Variants in DMBT1 observed in about 807,000 individuals in gnomAD.
DMBT1 encodes the protein deleted in malignant brain tumors 1.
Under a neutral mutation model 252.9 loss-of-function variants are expected in DMBT1, and 198 were observed. The observed-to-expected ratio is 0.78, with a 90% CI of 0.70 to 0.88. The LOEUF is 0.88. DMBT1 is among the 40% of genes least tolerant of loss of function. DMBT1 has a pLI of 0.00. For missense variants in DMBT1, 2,432 were observed against 2,404.7 expected (o/e 1.01, Z -0.24); for synonymous variants, 990 against 942.7 (o/e 1.05, Z -0.92).
intron 25 of DMBT1, 116 bp from the exon 26 acceptor site, chr10:122,598,657 AG>A: frequency 3.2e-6 from 5 of 1,562,422 alleles, no homozygotes; most frequent in Non-Finnish European, 3.5e-6. Flanking sequence ...TCATATTCAA[AG>A]GTGACTGCCT....
At chr10:122,597,866 C>A in intron 24 of DMBT1, 108 bp from the exon 25 acceptor site, 1 of 1,543,698 alleles carries the variant, frequency 6.5e-7, no homozygotes, top group Non-Finnish European at 8.9e-7. Context: ...GTGGCAGGAA[C>A]CAGAAGTGGG....
In DMBT1 at chr10:122,589,109, C is replaced by T. The variant is rs2097823248; in HGVS notation, c.1949C>T (p.Ser650Leu). 1.3e-6 allele frequency: 2 copies of T among 1,588,572 alleles called. No individual in the cohort carries two copies. Among genetic ancestry groups the T allele is most frequent in the Non-Finnish European group, 1.7e-6 (2 of 1,165,846 alleles). Reference protein sequence around the residue: ...CRQLGCGWATSAPGNARFGQG... With the variant: ...CRQLGCGWATLAPGNARFGQG... ...CAGCTGGGCTGTGGCTGGGCCACGT[C>T]AGCCCCAGGAAATGCCCGGTTTGGT... The change falls in exon 17 of 56, where the codon TCA (serine) becomes TTA (leucine). Residue 650 changes from serine to leucine, a missense_variant. Ser to Leu is a moderately radical substitution (Grantham distance 145, BLOSUM62 -2). This residue lies in a region of DMBT1 where 1,264 missense variants were observed against 1,082.2 expected (regional missense o/e 1.17). Coordinates refer to ENST00000338354, the MANE Select transcript of DMBT1 (RefSeq NM_001377530.1).
chr10:122,588,911 G>A (rs1295330013), intron 16 of DMBT1, 33 bp from the exon 17 acceptor site: 1 of 1,586,574 alleles, frequency 6.3e-7, no homozygotes, highest in African/African-American at 1.3e-5. Context: ...CTGCTGATAG[G>A]GATTGATGAA....
At position 122,585,416 on chromosome 10, in the gene DMBT1, T is replaced by C. The variant is rs541544423; in HGVS notation, c.1459+107T>C. ...TCAAGGTGGGCCCCTCTGTTTTTCA[T>C]GTCCCTGTGGGTTGCATGGGAGGAA... On this transcript the variant is annotated intron_variant, in intron 15 of 55. Transcript: ENST00000338354. 17 of 1,386,916 alleles carry C rather than the reference T, an allele frequency of 1.2e-5. 4 individuals are homozygous for C. In the South Asian group the frequency reaches 2.1e-4, roughly 17 times the overall value. 85.9% of individuals were successfully genotyped at this position (1,386,916 alleles called of 1,614,324 possible). A position where few individuals can be genotyped will look rare whatever the true frequency, so the allele number is the denominator to read the frequency against.
In DMBT1 at chr10:122,640,794, C is replaced by T. The variant is rs145313802; in HGVS notation, c.7352+345C>T. On this transcript the variant is annotated intron_variant, in intron 55 of 55. Transcript: ENST00000338354. ...GATCAGACTCTAGGTGACTGAACTC[C>T]AGCCATACGGTTAAAAAGACCTGCG... Among the ~76,000 whole-genome samples the T allele has an allele frequency of 4.9e-3, 743 of 152,254 alleles. 7 individuals carry two copies. The highest frequency in any genetic ancestry group is 0.017 in the African/African-American group (711 of 41,526).
At chr10:122,628,219 G>T (rs2098132475) in intron 46 of DMBT1, among the ~76,000 whole-genome samples, 1 of 152,240 alleles carries the variant, frequency 6.6e-6, no homozygotes, top group Non-Finnish European at 1.5e-5. Context: ...ACTTGTATGT[G>T]AATGTTCAGG....
In DMBT1 at chr10:122,592,525, G is replaced by A. The variant is rs1326178496; in HGVS notation, c.2430G>A (p.Trp810Ter). The change falls in exon 20 of 56, where the codon TGG becomes TGA. Residue 810 changes from tryptophan to a stop codon, truncating the protein, a stop_gained. Coordinates refer to ENST00000338354, the MANE Select transcript of DMBT1 (RefSeq NM_001377530.1). LOFTEE classifies it high-confidence loss of function. ...VRCSGHESYL[W>*]SCPHNGWLSH... ...GCTCAGGACACGAGTCCTACCTGTG[G>A]AGCTGCCCCCACAATGGCTGGCTCT... 8 of 1,588,062 alleles carry A rather than the reference G, an allele frequency of 5.0e-6. 1 individual carries two copies. The highest frequency in any genetic ancestry group is 1.7e-5 in the Admixed American group (1 of 59,484).
intron 20 of DMBT1, among the ~76,000 whole-genome samples, chr10:122,593,334 G>C (rs1453901665): frequency 1.3e-5 from 2 of 148,262 alleles, no homozygotes; most frequent in African/African-American, 2.4e-5. Flanking sequence ...GGTCAACCGG[G>C]TTACCCTGGG....
chr10:122,633,314 G>A lies in DMBT1; in HGVS notation c.6521G>A (p.Arg2174His), dbSNP rs144201819. The A allele has an allele frequency of 8.4e-4, 1,349 of 1,613,928 alleles. 1 individual carries two copies. The highest frequency in any genetic ancestry group is 1.1e-3 in the Non-Finnish European group (1,239 of 1,179,884). The change falls in exon 52 of 56, where the codon CGT (arginine) becomes CAT (histidine). Residue 2174 changes from arginine to histidine, a missense_variant. This residue lies in a region of DMBT1 where 1,162 missense variants were observed against 1,169.0 expected (regional missense o/e 0.99). Coordinates refer to ENST00000338354, the MANE Select transcript of DMBT1 (RefSeq NM_001377530.1). ...GACATTGAGGTGCAAAACAACTACC[G>A]TGTGACTGTGATCTTCAGAGATGTC... ...VWDIEVQNNYRVTVIFRDVQL... is the reference protein window; with the variant it reads ...VWDIEVQNNYHVTVIFRDVQL...
Position 122,593,584 on chromosome 10 carries a change from C to T in DMBT1, c.2516C>T (p.Pro839Leu), listed in dbSNP as rs117786926. The part of the protein sequence containing the change: ...GVICSVSQSR[P>L]TPSPDTWPTS... ...TTTCTCACAGTTTCCCAGTCCCGGCCGACACCCAGTCCAGGTAGGTCCCCA... is the reference window on the plus strand; with the variant it reads ...TTTCTCACAGTTTCCCAGTCCCGGCTGACACCCAGTCCAGGTAGGTCCCCA... Residue 839 changes from proline to leucine, a missense_variant, in exon 21 of 56, where the codon CCG becomes CTG. Pro to Leu is a moderately conservative substitution (Grantham distance 98). Around this residue, in one of 3 missense-constraint regions of DMBT1, gnomAD observed 1,264 missense variants for 1,082.2 expected, o/e 1.17. Coordinates refer to ENST00000338354, the MANE Select transcript of DMBT1 (RefSeq NM_001377530.1). 9,072 of 1,587,126 alleles carry T rather than the reference C, an allele frequency of 5.7e-3. 1,740 individuals carry two copies. The East Asian group carries it at 0.14, about 25-fold the overall frequency.
rs531284172 is a variant in DMBT1, at chr10:122,600,224, G to C, written c.3310+131G>C. 2.5e-4 allele frequency: 337 copies of C among 1,338,046 alleles called. 16 individuals carry two copies. The South Asian group carries it at 4.5e-3, about 18-fold the overall frequency. The allele number at this position is 1,338,046 out of a possible 1,614,324, so 82.9% of individuals were successfully genotyped here. A position where few individuals can be genotyped will look rare whatever the true frequency, so the allele number is the denominator to read the frequency against. On this transcript the variant is annotated intron_variant, in intron 27 of 55. Transcript: ENST00000338354. The stretch of plus-strand genomic sequence containing the variant: ...CATATTATTTCTACCCCCAACACCA[G>C]TTGTGTAACTGAGACCCCAGCACAG...
intron 21 of DMBT1, 95 bp downstream of exon 21, chr10:122,593,693 A>T: frequency 7.1e-7 from 1 of 1,400,470 alleles, no homozygotes; most frequent in Admixed American, 2.0e-5. Flanking sequence ...CTCTGTGTGG[A>T]TACTGTGGGG....
At chr10:122,591,207 T>C (rs2097846906) in intron 18 of DMBT1, among the ~76,000 whole-genome samples, 1 of 148,730 alleles carries the variant, frequency 6.7e-6, no homozygotes, top group Non-Finnish European at 1.5e-5. Flanking sequence ...CATCAGTCCA[T>C]GTGTCAGTGG....
rs1306313327 is a variant in DMBT1 at position 122,594,298 on chromosome 10, T to C, written c.2531-198T>C. Among the ~76,000 whole-genome samples the C allele has an allele frequency of 6.8e-5, 9 of 131,670 alleles. 2 individuals are homozygous for C. Among genetic ancestry groups the C allele is most frequent in the Admixed American group, 4.6e-4 (6 of 13,030 alleles). 86.4% of individuals were successfully genotyped at this position (131,670 alleles called of 152,430 possible). ...CCCCAGGATTAGAGAAATGGAGGGCTCAGTCTGGTCTCCAGCAGGACCTTT... is the reference window on the plus strand; with the variant it reads ...CCCCAGGATTAGAGAAATGGAGGGCCCAGTCTGGTCTCCAGCAGGACCTTT... On this transcript the variant is annotated intron_variant, in intron 21 of 55. Coordinates refer to ENST00000338354, the MANE Select transcript of DMBT1 (RefSeq NM_001377530.1).
intron 17 of DMBT1, 134 bp downstream of exon 17, chr10:122,589,401 T>C: frequency 7.1e-7 from 1 of 1,400,752 alleles, no homozygotes; most frequent in Non-Finnish European, 9.6e-7. Flanking sequence ...AGCTCTCTTC[T>C]AGGAAACTGC....
chr10:122,585,765 G>A (rs1225644989), intron 15 of DMBT1, among the ~76,000 whole-genome samples: 1 of 148,584 alleles, frequency 6.7e-6, no homozygotes, highest in African/African-American at 2.4e-5. Flanking sequence ...AGTCTGGCCT[G>A]CCTACTGTAG....
Position 122,592,571 on chromosome 10 carries a change from G to C in DMBT1, c.2476G>C (p.Glu826Gln). ...GCTCTCCCACAACTGTGGCCATCAT[G>C]AAGATGCTGGTGTCATCTGCTCAGG... ...GWLSHNCGHH[E>Q]DAGVICSVSQ... The change falls in exon 20 of 56, where the codon GAA becomes CAA. Residue 826 changes from glutamate to glutamine, a missense_variant. Glu to Gln is a conservative substitution (Grantham distance 29). This residue lies in a region of DMBT1 where 1,264 missense variants were observed against 1,082.2 expected (regional missense o/e 1.17). Transcript: ENST00000338354. The C allele has an allele frequency of 6.3e-7, 1 of 1,588,490 alleles. No homozygotes were observed. The highest frequency in any genetic ancestry group is 8.6e-7 in the Non-Finnish European group (1 of 1,165,688).
At chr10:122,641,324 C>T (rs1004367751) in intron 55 of DMBT1, among the ~76,000 whole-genome samples, 1 of 152,168 alleles carries the variant, frequency 6.6e-6, no homozygotes, top group Non-Finnish European at 1.5e-5. Context: ...TAGATGTGTA[C>T]CACACTTCTT....
intron 46 of DMBT1, among the ~76,000 whole-genome samples, chr10:122,628,364 G>A (rs754412638): frequency 1.3e-5 from 2 of 152,132 alleles, no homozygotes; most frequent in South Asian, 2.1e-4. Context: ...GGCCGGGCGC[G>A]GTGGCTCATA....
Sources: allele counts gnomAD v4.1 joint callset (sites outside exome capture counted in the v4.1 genomes callset), GRCh38; gene constraint gnomAD v4.1.1; regional missense constraint gnomAD v4.1.1; transcripts MANE v1.5; gene names NCBI Gene and HGNC (gene_info 2026-07-23, HGNC 2026-07-21).